Variants in MIEF2 observed in about 807,000 individuals in gnomAD.
The protein encoded by MIEF2 is mitochondrial elongation factor 2, also known as mitochondrial dynamics protein MID49.
A neutral mutation model predicts 7.4 loss-of-function variants in MIEF2; 1 was observed. The ratio of observed to expected loss-of-function variants is 0.14; its 90% confidence interval spans 0.05 to 0.64. The LOEUF (loss-of-function observed/expected upper bound fraction) is 0.64. Among genes scored for constraint, MIEF2 ranks in the 30% least tolerant of loss-of-function variants. The pLI is 0.85. For missense variants in MIEF2, 569 were observed against 623.9 expected, an observed-to-expected ratio of 0.91 and a Z score of 0.94; for synonymous variants, 275 against 290.5, an observed-to-expected ratio of 0.95 and a Z score of 0.54.
rs1033998449 is a variant in MIEF2, at chr17:18,263,561, T to C, written c.311-149T>C. The C allele has an allele frequency of 3.7e-6, 4 of 1,091,184 alleles. No individual in the cohort carries two copies. In the Admixed American group the frequency reaches 7.8e-5, roughly 21 times the overall value. The allele number at this position is 1,091,184 out of a possible 1,614,324, so 67.6% of individuals were successfully genotyped here. A position where few individuals can be genotyped will look rare whatever the true frequency, so the allele number is the denominator to read the frequency against. On this transcript the variant is annotated intron_variant, in intron 3 of 3. Coordinates refer to ENST00000323019, the MANE Select transcript of MIEF2 (RefSeq NM_139162.4). ...AGAACTCGTCACCAAGAGCTCACTA[T>C]ATGTGAGGATCTGAACTGAGTGCCT...
Position 18,263,076 on chromosome 17 carries a change from G to A in MIEF2, c.148-10G>A, listed in dbSNP as rs1978502571. 6.2e-7 allele frequency: 1 copy of A among 1,612,680 alleles called. No homozygotes were observed. The highest frequency in any genetic ancestry group is 8.5e-7 in the Non-Finnish European group (1 of 1,179,476). ...TTCATATACACTGATCTGTGTGACT[G>A]TGCTTGCAGTTCATTGACAGGGCCA... On this transcript the variant is annotated splice_polypyrimidine_tract_variant and intron_variant, in intron 2 of 3. Transcript: ENST00000323019.
rs201785365 is a variant in MIEF2, at chr17:18,264,502, C to A, written c.1103C>A (p.Ser368Ter). 1 of 1,608,068 alleles carries A rather than the reference C, an allele frequency of 6.2e-7. No homozygotes were observed. Among genetic ancestry groups the A allele is most frequent in the Non-Finnish European group, 8.5e-7 (1 of 1,179,884 alleles). The change falls in exon 4 of 4, where the codon TCG (serine) becomes TAG (stop). Residue 368 changes from serine (S) to a stop codon, truncating the protein, a stop_gained. Coordinates refer to ENST00000323019, the MANE Select transcript of MIEF2 (RefSeq NM_139162.4). LOFTEE classifies it low-confidence loss of function (END_TRUNC). ...CTGTGTGCTGTCTGCCGTGGTTGCTCGGCTCTGGGGCAGCTAGGCCGGGGT... is the reference window on the plus strand; with the variant it reads ...CTGTGTGCTGTCTGCCGTGGTTGCTAGGCTCTGGGGCAGCTAGGCCGGGGT... ...LLLCAVCRGC[S>*]ALGQLGRGHL...
rs765436333 is a variant in MIEF2 at position 18,264,150 on chromosome 17, T to C, written c.751T>C (p.Ser251Pro). 7 of 1,568,262 alleles carry C rather than the reference T, an allele frequency of 4.5e-6. No individual in the cohort carries two copies. Among genetic ancestry groups the C allele is most frequent in the African/African-American group, 1.3e-5 (1 of 74,108 alleles). Residue 251 changes from serine (S) to proline (P), a missense_variant, in exon 4 of 4, where the codon TCC becomes CCC. Ser to Pro is a moderately conservative substitution (Grantham distance 74). Transcript: ENST00000323019. ...CTTCCTGGTCGGGGGCTACCTCTCC[T>C]CCCGCGTCCTGCTGGAGCTACTCCG... Reference protein sequence around the residue: ...DRFLVGGYLSSRVLLELLRKA... With the variant: ...DRFLVGGYLSPRVLLELLRKA...
chr17:18,264,448 C>A lies in MIEF2; in HGVS notation c.1049C>A (p.Ala350Asp). ...CTGCGAGCCCTGGACGACCATGACG[C>A]TGGGACTCGCCGGCGGCTGCTGCTG... Reference protein sequence around the residue: ...ARLRALDDHDAGTRRRLLLLL... With the variant: ...ARLRALDDHDDGTRRRLLLLL... Residue 350 changes from alanine (A) to aspartate (D), a missense_variant, in exon 4 of 4, where the codon GCT becomes GAT. Transcript: ENST00000323019. 1 of 1,602,228 alleles carries A rather than the reference C, an allele frequency of 6.2e-7. No individual in the cohort carries two copies. Among genetic ancestry groups the A allele is most frequent in the Non-Finnish European group, 8.5e-7 (1 of 1,179,856 alleles).
At position 18,264,447 on chromosome 17, in the gene MIEF2, G is replaced by A. The variant is rs144197706; in HGVS notation, c.1048G>A (p.Ala350Thr). 441 of 1,602,096 alleles carry A rather than the reference G, an allele frequency of 2.8e-4. No individual in the cohort carries two copies. The highest frequency in any genetic ancestry group is 3.4e-4 in the Non-Finnish European group (407 of 1,179,862). The change falls in exon 4 of 4, where the codon GCT becomes ACT. Residue 350 changes from alanine (A) to threonine (T), a missense_variant. Ala to Thr is a moderately conservative substitution (Grantham distance 58). Transcript: ENST00000323019. ...ARLRALDDHDAGTRRRLLLLL... is the reference protein window; with the variant it reads ...ARLRALDDHDTGTRRRLLLLL... ...GCTGCGAGCCCTGGACGACCATGAC[G>A]CTGGGACTCGCCGGCGGCTGCTGCT...
intron 1 of MIEF2, chr17:18,261,210 C>T (rs1347421381): frequency 5.8e-6 from 9 of 1,544,910 alleles, no homozygotes; most frequent in Non-Finnish European, 7.0e-6. Flanking sequence ...GATTCCTGGT[C>T]TCTCTGGGGG....
In MIEF2 at chr17:18,266,056, A is replaced by G. The variant is rs1428777560; in HGVS notation, c.*1292A>G. The G allele has an allele frequency of 1.3e-5, 2 of 152,030 alleles. No homozygotes were observed. The highest frequency in any genetic ancestry group is 4.8e-5 in the African/African-American group (2 of 41,384). 9.4% of individuals were successfully genotyped at this position (152,030 alleles called of 1,614,324 possible). A position where few individuals can be genotyped will look rare whatever the true frequency, so the allele number is the denominator to read the frequency against. ...CCCCAACTCTACTAAAAAGACAAAA[A>G]TTAGCTGGGCGTGGTGGCACGCACC... On this transcript the variant is annotated 3_prime_UTR_variant, in exon 4 of 4. Transcript: ENST00000323019.
chr17:18,262,722 TGGCA>T lies in MIEF2; in HGVS notation c.4_7del (p.Ala2_?3). 6.2e-7 allele frequency: 1 copy of T among 1,606,080 alleles called. No homozygotes were observed. Among genetic ancestry groups the T allele is most frequent in the Non-Finnish European group, 8.5e-7 (1 of 1,175,852 alleles). On this transcript the variant is annotated frameshift_variant and start_lost, in exon 2 of 4. Transcript: ENST00000323019. LOFTEE classifies it high-confidence loss of function. ...CCCTGGCTCTCTTACAGGCAGACCA[TGGCA>T]GAGTTCTCCCAGAAACGGGGGAAGC...
In MIEF2 at chr17:18,264,255, G is replaced by T. The variant is rs763286873; in HGVS notation, c.856G>T (p.Glu286Ter). 6.2e-7 allele frequency: 1 copy of T among 1,605,386 alleles called. No homozygotes were observed. Among genetic ancestry groups the T allele is most frequent in the South Asian group, 1.1e-5 (1 of 91,078 alleles). The change falls in exon 4 of 4, where the codon GAG becomes TAG. Residue 286 changes from glutamate to a stop codon, truncating the protein, a stop_gained. Transcript: ENST00000323019. LOFTEE classifies it low-confidence loss of function (END_TRUNC). ...CCTGATCCGGCCCAGCATGGCCTCG[G>T]AGGAGCTGCTGCTCGAGGTGCAGCA... The part of the protein sequence containing the change: ...GCLIRPSMAS[E>*]ELLLEVQHER...
rs142766095 is a variant in MIEF2 at position 18,263,764 on chromosome 17, C to T, written c.365C>T (p.Pro122Leu). 3.4e-5 allele frequency: 55 copies of T among 1,607,470 alleles called. No homozygotes were observed. The African/African-American group carries it at 4.3e-4, about 12-fold the overall frequency. The change falls in exon 4 of 4, where the codon CCG becomes CTG. Residue 122 changes from proline to leucine, a missense_variant. Physicochemically the swap from Pro to Leu is moderately conservative, Grantham distance 98. Transcript: ENST00000323019. ...ACACCACAGCTCAGCTCCCCAGCAC[C>T]GCTGTGTCTGACACTGCAGGAGAGG... is the stretch of plus-strand genomic sequence containing the variant. ...EVTPQLSSPAPLCLTLQERLL... is the reference protein window; with the variant it reads ...EVTPQLSSPALLCLTLQERLL...
intron 1 of MIEF2, among the ~76,000 whole-genome samples, chr17:18,261,337 G>A (rs992328317): frequency 6.6e-6 from 1 of 152,178 alleles, no homozygotes; most frequent in Non-Finnish European, 1.5e-5. Flanking sequence ...TTTTTAGTCT[G>A]GGGCGAATGG....
rs1978683934 is a variant in MIEF2 at position 18,265,222 on chromosome 17, T to C, written c.*458T>C. ...GGCGTCTGGTGCCTGATGGTAGGTA[T>C]GGTGTGTTTGTTCTGTCCCCCAGGG... On this transcript the variant is annotated 3_prime_UTR_variant, in exon 4 of 4. Coordinates refer to ENST00000323019, the MANE Select transcript of MIEF2 (RefSeq NM_139162.4). 1 of 161,984 alleles carries C rather than the reference T, an allele frequency of 6.2e-6. No individual in the cohort carries two copies. Among genetic ancestry groups the C allele is most frequent in the African/African-American group, 2.4e-5 (1 of 41,610 alleles). The allele number at this position is 161,984 out of a possible 1,614,324, so 10.0% of individuals were successfully genotyped here.
At position 18,264,131 on chromosome 17, in the gene MIEF2, G is replaced by A. The variant is rs374077306; in HGVS notation, c.732G>A (p.Leu244=). The change falls in exon 4 of 4, where the codon CTG becomes CTA. Residue 244 remains leucine (L), a synonymous_variant. Transcript: ENST00000323019. ...GGAGCAGCCCCTGGGACCGCTTCCTGGTCGGGGGCTACCTCTCCTCCCGCG... is the reference window on the plus strand; with the variant it reads ...GGAGCAGCCCCTGGGACCGCTTCCTAGTCGGGGGCTACCTCTCCTCCCGCG... The part of the protein sequence containing the change: ...PRGSSPWDRF[L]VGGYLSSRVL... The A allele has an allele frequency of 1.2e-4, 193 of 1,558,214 alleles. No individual in the cohort carries two copies. The highest frequency in any genetic ancestry group is 1.5e-4 in the Non-Finnish European group (175 of 1,157,212).
In MIEF2 at chr17:18,264,811, G is replaced by A. The variant is rs1473165438; in HGVS notation, c.*47G>A. 3.2e-6 allele frequency: 5 copies of A among 1,564,298 alleles called. No homozygotes were observed. The highest frequency in any genetic ancestry group is 1.7e-4 in the Middle Eastern group (1 of 5,848). On this transcript the variant is annotated 3_prime_UTR_variant, in exon 4 of 4. Transcript: ENST00000323019. ...CCATGTTTTCTAATGCTGGGGAGCT[G>A]CACCCACCTCCCTTCCAGGGATTTG...
At position 18,265,352 on chromosome 17, in the gene MIEF2, A is replaced by C. The variant is rs191623977; in HGVS notation, c.*588A>C. The C allele has an allele frequency of 6.5e-6, 1 of 152,738 alleles. No individual in the cohort carries two copies. Among genetic ancestry groups the C allele is most frequent in the Non-Finnish European group, 1.5e-5 (1 of 68,426 alleles). 9.5% of individuals were successfully genotyped at this position (152,738 alleles called of 1,614,324 possible). ...TAGTTTTCTTGCTGAGCGGGAGCTC[A>C]GTATGACTTGCCACCCACCTGATAC... is the stretch of plus-strand genomic sequence containing the variant. On this transcript the variant is annotated 3_prime_UTR_variant, in exon 4 of 4. Transcript: ENST00000323019.
chr17:18,260,856 C>A, intron 1 of MIEF2, 119 bp downstream of exon 1: 1 of 507,892 alleles, frequency 2.0e-6, no homozygotes, highest in Non-Finnish European at 3.5e-6. Flanking sequence ...GGGGAGGGGA[C>A]CTTTGGGGGA....
In MIEF2 at chr17:18,264,515, G is replaced by A; in HGVS notation, c.1116G>A (p.Gln372=). The A allele has an allele frequency of 6.2e-7, 1 of 1,609,056 alleles. No homozygotes were observed. ...AVCRGCSALG[Q]LGRGHLTQVV... ...GCCGTGGTTGCTCGGCTCTGGGGCA[G>A]CTAGGCCGGGGTCACCTGACCCAGG... The change falls in exon 4 of 4, where the codon CAG becomes CAA. Residue 372 remains glutamine (Q), a synonymous_variant. Coordinates refer to ENST00000323019, the MANE Select transcript of MIEF2 (RefSeq NM_139162.4).
chr17:18,261,364 G>A (rs1978407468), intron 1 of MIEF2, among the ~76,000 whole-genome samples: 1 of 152,288 alleles, frequency 6.6e-6, no homozygotes, highest in East Asian at 1.9e-4. Flanking sequence ...GTACGGGGCT[G>A]AGTCACACAG....
Position 18,263,950 on chromosome 17 carries a change from A to G in MIEF2, c.551A>G (p.Asp184Gly), listed in dbSNP as rs770923541. The G allele has an allele frequency of 6.3e-7, 1 of 1,590,034 alleles. No individual in the cohort carries two copies. The highest frequency in any genetic ancestry group is 8.5e-7 in the Non-Finnish European group (1 of 1,171,538). The change falls in exon 4 of 4, where the codon GAC (aspartate) becomes GGC (glycine). Residue 184 changes from aspartate (D) to glycine (G), a missense_variant. By Grantham distance (94) the Asp-to-Gly change is moderately conservative. Coordinates refer to ENST00000323019, the MANE Select transcript of MIEF2 (RefSeq NM_139162.4). ...GAFVPGGPLY[D>G]GLQAGAADHV... ...TTCGTGCCTGGGGGGCCGCTCTACG[A>G]CGGGCTGCAGGCGGGGGCTGCGGAC...
Sources: gnomAD v4.1 joint callset for allele counts (sites outside exome capture counted in the v4.1 genomes callset) on GRCh38, gnomAD v4.1.1 for gene constraint, MANE v1.5 for transcripts, NCBI Gene and HGNC (gene_info 2026-07-23, HGNC 2026-07-21) for gene names.